The following WDFY4 variants were observed in gnomAD, a reference collection of about 807,000 sequenced individuals.
WDFY4 encodes WD repeat- and FYVE domain-containing protein 4.
Under a neutral mutation model 351.9 loss-of-function variants are expected in WDFY4, and 169 were observed. The ratio of observed to expected loss-of-function variants is 0.48; its 90% CI spans 0.42 to 0.55. The LOEUF is 0.55. Among genes scored for constraint, WDFY4 ranks in the 20% least tolerant of loss-of-function variants. The pLI, the probability that WDFY4 is intolerant of heterozygous loss-of-function variation, is 0.00. For missense variants in WDFY4, 3,803 were observed against 3,935.6 expected (o/e 0.97, Z 0.90); for synonymous variants, 1,622 against 1,574.6 (o/e 1.03, Z -0.71).
chr10:48,906,037 G>A (rs1468658278), intron 47 of WDFY4, among the ~76,000 whole-genome samples: 1 of 152,162 alleles, frequency 6.6e-6, no homozygotes, highest in African/African-American at 2.4e-5. Flanking sequence ...GGCTTGGCTG[G>A]CCACTGACAT....
intron 32 of WDFY4, among the ~76,000 whole-genome samples, chr10:48,818,327 A>G (rs531490637): frequency 6.6e-6 from 1 of 152,338 alleles, no homozygotes; most frequent in South Asian, 2.1e-4. Context: ...CTCCATAAAC[A>G]TTTGCTAAGT....
At position 48,788,693 on chromosome 10, in the gene WDFY4, G is replaced by C; in HGVS notation, c.3954+18G>C. On this transcript the variant is annotated intron_variant, in intron 21 of 61. Transcript: ENST00000325239. The stretch of plus-strand genomic sequence containing the variant: ...CCAAAGAGGTACATCTTCTAACTTC[G>C]CTGCTAATCTCTGTTGGAATCTGGT... 2 of 1,550,390 alleles carry C rather than the reference G, an allele frequency of 1.3e-6. No homozygotes were observed. The highest frequency in any genetic ancestry group is 1.7e-6 in the Non-Finnish European group (2 of 1,146,018).
At chr10:48,952,780 C>G (rs1443745794) in intron 51 of WDFY4, among the ~76,000 whole-genome samples, 4 of 152,206 alleles carry the variant, frequency 2.6e-5, no homozygotes, top group African/African-American at 9.7e-5. Context: ...CTGGGGTCAT[C>G]CCGTCCTCTG....
intron 2 of WDFY4, among the ~76,000 whole-genome samples, chr10:48,716,888 A>G (rs905560045): frequency 1.3e-5 from 2 of 152,242 alleles, no homozygotes; most frequent in African/African-American, 4.8e-5. Context: ...TCGCCACAGA[A>G]ATTCCAAGGC....
At chr10:48,845,061 AGC>A (rs2068730427) in intron 39 of WDFY4, among the ~76,000 whole-genome samples, 1 of 152,174 alleles carries the variant, frequency 6.6e-6, no homozygotes, top group Non-Finnish European at 1.5e-5. Flanking sequence ...CAAATGCCAA[AGC>A]TCCGGGGTAC....
intron 44 of WDFY4, among the ~76,000 whole-genome samples, chr10:48,891,163 G>A (rs61848071): frequency 5.9e-5 from 9 of 152,236 alleles, no homozygotes; most frequent in South Asian, 4.1e-4. Flanking sequence ...CACTATGGTC[G>A]TGGGACAAAA....
At chr10:48,921,847 A>G (rs145935314) in intron 47 of WDFY4, among the ~76,000 whole-genome samples, 38 of 152,322 alleles carry the variant, frequency 2.5e-4, no homozygotes, top group African/African-American at 8.9e-4. Context: ...CTGCAACTAG[A>G]GTTCTCATTC....
intron 2 of WDFY4, among the ~76,000 whole-genome samples, chr10:48,717,325 T>C (rs2063941278): frequency 6.6e-6 from 1 of 152,248 alleles, no homozygotes; most frequent in Non-Finnish European, 1.5e-5. Context: ...TTGGTTGTTT[T>C]AGCAAAGTTC....
intron 47 of WDFY4, among the ~76,000 whole-genome samples, chr10:48,919,171 C>T (rs1183991061): frequency 6.7e-6 from 1 of 149,390 alleles, no homozygotes; most frequent in Non-Finnish European, 1.5e-5. Flanking sequence ...GCCAGACTGA[C>T]AATTTAAAAA....
intron 41 of WDFY4, among the ~76,000 whole-genome samples, chr10:48,874,426 G>A (rs2069912558): frequency 6.6e-6 from 1 of 152,138 alleles, no homozygotes; most frequent in East Asian, 1.9e-4. Flanking sequence ...ACACCAGAAT[G>A]CTGGATTTTT....
chr10:48,919,721 C>G (rs957671316), intron 47 of WDFY4, among the ~76,000 whole-genome samples: 1 of 152,202 alleles, frequency 6.6e-6, no homozygotes, highest in Admixed American at 6.5e-5. Flanking sequence ...GAAGTCTCCA[C>G]CCTCAAGATC....
At chr10:48,941,436 G>A (rs767407971) in intron 47 of WDFY4, among the ~76,000 whole-genome samples, 3 of 152,166 alleles carry the variant, frequency 2.0e-5, no homozygotes, top group Non-Finnish European at 4.4e-5. Context: ...TTATCCACGA[G>A]CAAAACAAGG....
chr10:48,845,067 G>A (rs116709700), intron 39 of WDFY4, among the ~76,000 whole-genome samples: 1,624 of 152,252 alleles, frequency 0.011, 28 homozygotes, highest in African/African-American at 0.037. Flanking sequence ...CCAAAGCTCC[G>A]GGGTACAAAT....
intron 42 of WDFY4, among the ~76,000 whole-genome samples, chr10:48,876,605 T>C (rs1404372425): frequency 1.7e-5 from 1 of 59,514 alleles, no homozygotes; most frequent in Non-Finnish European, 3.4e-5. Flanking sequence ...TTTTCCAAGT[T>C]TTTTTTACAA....
At position 48,890,810 on chromosome 10, in the gene WDFY4, C is replaced by T. The variant is rs541543120; in HGVS notation, c.7316+83C>T. ...CCGCCCCCACTATTCCCCTTCTCAC[C>T]TTGTTCTTACAGTGGGCTTAGATTT... On this transcript the variant is annotated intron_variant, in intron 44 of 61. Coordinates refer to ENST00000325239, the MANE Select transcript of WDFY4 (RefSeq NM_001394531.1). 3.4e-5 allele frequency: 52 copies of T among 1,518,634 alleles called. No individual in the cohort carries two copies. The African/African-American group carries it at 6.6e-4, about 19-fold the overall frequency. The allele number at this position is 1,518,634 out of a possible 1,614,324, so 94.1% of individuals were successfully genotyped here. A position where few individuals can be genotyped will look rare whatever the true frequency, so the allele number is the denominator to read the frequency against.
At position 48,832,634 on chromosome 10, in the gene WDFY4, G is replaced by A. The variant is rs1564399406; in HGVS notation, c.6588G>A (p.Leu2196=). ...SNVAHHSKVT[L]WSGSLSSAMK... ...TTGCACACCACAGCAAAGTCACTTTGTGGAGTGGAAGCCTGTCCTCAGCCA... is the reference window on the plus strand; with the variant it reads ...TTGCACACCACAGCAAAGTCACTTTATGGAGTGGAAGCCTGTCCTCAGCCA... Residue 2196 remains leucine (L), a synonymous_variant, in exon 39 of 62, where the codon TTG becomes TTA. Transcript: ENST00000325239. The A allele has an allele frequency of 2.6e-6, 4 of 1,551,378 alleles. No individual in the cohort carries two copies. The highest frequency in any genetic ancestry group is 3.5e-6 in the Non-Finnish European group (4 of 1,146,728).
At chr10:48,799,973 T>C (rs2067007833) in intron 24 of WDFY4, among the ~76,000 whole-genome samples, 1 of 152,054 alleles carries the variant, frequency 6.6e-6, no homozygotes, top group Admixed American at 6.5e-5. Context: ...GCAACCTCTG[T>C]CTCATGGGTT....
At chr10:48,756,361 A>G (rs1301173197) in intron 12 of WDFY4, among the ~76,000 whole-genome samples, 1 of 151,764 alleles carries the variant, frequency 6.6e-6, no homozygotes, top group African/African-American at 2.4e-5. Context: ...TATGTCGACT[A>G]TTATTCTGAG....
In WDFY4 at chr10:48,947,778, A is replaced by T. The variant is rs374175699; in HGVS notation, c.7977+809A>T. Reference sequence around the variant, plus strand: ...GGGCACAGCTTTTGAACGGGGAGATAGCCCTCAGATAGGGCAGCTGGCTCG... The same window carrying T: ...GGGCACAGCTTTTGAACGGGGAGATTGCCCTCAGATAGGGCAGCTGGCTCG... On this transcript the variant is annotated intron_variant, in intron 51 of 61. Transcript: ENST00000325239. Among the ~76,000 whole-genome samples, 10 of 152,292 alleles carry T rather than the reference A, an allele frequency of 6.6e-5. No individual in the cohort carries two copies. In the South Asian group the frequency reaches 2.1e-3, roughly 32 times the overall value.
Sources: gnomAD v4.1 joint callset for allele counts (sites outside exome capture counted in the v4.1 genomes callset) on GRCh38, gnomAD v4.1.1 for gene constraint, MANE v1.5 for transcripts, NCBI Gene and HGNC (gene_info 2026-07-23, HGNC 2026-07-21) for gene names.